Variants in SRGAP1 observed in about 807,000 individuals in gnomAD.
The protein encoded by SRGAP1 is SLIT-ROBO Rho GTPase-activating protein 1.
In SRGAP1, 43 loss-of-function variants were observed where a neutral mutation model predicts 121.9. That is an observed-to-expected ratio of 0.35 (90% confidence interval 0.28 to 0.46). The LOEUF is 0.46. SRGAP1 is among the 20% of genes least tolerant of loss of function. The pLI, the probability that SRGAP1 is intolerant of heterozygous loss-of-function variation, is 1.00. For missense variants in SRGAP1, 1,102 were observed against 1,350.9 expected, an observed-to-expected ratio of 0.82 and a Z score of 2.89; for synonymous variants, 447 against 485.4, an observed-to-expected ratio of 0.92 and a Z score of 1.04.
At chr12:63,916,787 A>G (rs1197485036) in intron 1 of SRGAP1, among the ~76,000 whole-genome samples, 6 of 152,218 alleles carry the variant, frequency 3.9e-5, no homozygotes, top group Non-Finnish European at 5.9e-5. Flanking sequence ...CATGCAGGCC[A>G]GTAGACTTAA....
chr12:64,011,899 T>G (rs1017495839), intron 3 of SRGAP1, among the ~76,000 whole-genome samples: 2 of 152,080 alleles, frequency 1.3e-5, no homozygotes, highest in African/African-American at 4.8e-5. Flanking sequence ...GCAGATCACT[T>G]GAGCCCAGCC....
intron 3 of SRGAP1, among the ~76,000 whole-genome samples, chr12:63,990,401 G>T (rs940163004): frequency 1.6e-4 from 25 of 151,976 alleles, no homozygotes; most frequent in Admixed American, 1.1e-3. Context: ...GCGTGGTGGC[G>T]CTTGCCTGTA....
chr12:63,927,415 G>A (rs575331106), intron 1 of SRGAP1, among the ~76,000 whole-genome samples: 16 of 152,242 alleles, frequency 1.1e-4, no homozygotes, highest in African/African-American at 3.9e-4. Flanking sequence ...TCCTGTGGCC[G>A]ACCATCAGGC....
intron 8 of SRGAP1, among the ~76,000 whole-genome samples, chr12:64,075,829 C>CT (rs955493047): frequency 8.6e-5 from 13 of 151,466 alleles, no homozygotes; most frequent in African/African-American, 2.9e-4. Context: ...TCTTTCCCTT[C>CT]TTTTTTTAAT....
chr12:64,024,015 A>T (rs2034602898), intron 4 of SRGAP1, among the ~76,000 whole-genome samples: 1 of 152,226 alleles, frequency 6.6e-6, no homozygotes. Flanking sequence ...CTGAGCTAAA[A>T]GAATCAGTAA....
chr12:63,990,672 A>G (rs2033534409), intron 3 of SRGAP1, among the ~76,000 whole-genome samples: 1 of 152,242 alleles, frequency 6.6e-6, no homozygotes, highest in South Asian at 2.1e-4. Context: ...AAATTTTGAT[A>G]TAAGATGTTC....
chr12:63,916,212 A>G (rs532287741), intron 1 of SRGAP1, among the ~76,000 whole-genome samples: 3 of 151,826 alleles, frequency 2.0e-5, no homozygotes, highest in East Asian at 1.9e-4. Context: ...TTTTCTAGAA[A>G]TGAGGTTTCA....
chr12:63,932,464 T>A (rs1321704972), intron 1 of SRGAP1, among the ~76,000 whole-genome samples: 1 of 152,184 alleles, frequency 6.6e-6, no homozygotes, highest in Non-Finnish European at 1.5e-5. Context: ...TCCCAACAGA[T>A]CTTATACAAA....
At chr12:63,960,125 A>G (rs2032593469) in intron 1 of SRGAP1, among the ~76,000 whole-genome samples, 2 of 152,232 alleles carry the variant, frequency 1.3e-5, no homozygotes, top group Admixed American at 1.3e-4. Flanking sequence ...CACATTGTGG[A>G]AAATGCCTGC....
intron 1 of SRGAP1, chr12:63,872,175 A>T: frequency 3.1e-6 from 1 of 323,642 alleles, no homozygotes; most frequent in Non-Finnish European, 5.7e-6. Flanking sequence ...TCATGAGAGC[A>T]CCTGTTTGAT....
intron 4 of SRGAP1, among the ~76,000 whole-genome samples, chr12:64,017,384 G>GGTGTAATT (rs2034431506): frequency 6.6e-6 from 1 of 152,140 alleles, no homozygotes; most frequent in Admixed American, 6.5e-5. Context: ...ATGCCATTGT[G>GGTGTAATT]GCCAGGCGTG....
chr12:64,026,646 C>A (rs1363812247), intron 4 of SRGAP1, among the ~76,000 whole-genome samples: 1 of 152,096 alleles, frequency 6.6e-6, no homozygotes, highest in Non-Finnish European at 1.5e-5. Context: ...GCAGGCAGAT[C>A]ATCTAAGGTC....
chr12:64,100,444 A>T (rs1204142337), intron 15 of SRGAP1, among the ~76,000 whole-genome samples: 3 of 152,202 alleles, frequency 2.0e-5, no homozygotes, highest in African/African-American at 7.2e-5. Context: ...GGGTACCTAC[A>T]GTGCTCAAGT....
Position 63,848,032 on chromosome 12 carries a change from G to A in SRGAP1, c.67+3149G>A, listed in dbSNP as rs547142944. Reference sequence around the variant, plus strand: ...TTATATATATATATATATAAAAGGAGTATCGGTCTGCTGCCCAGGCCAGAG... The same window carrying A: ...TTATATATATATATATATAAAAGGAATATCGGTCTGCTGCCCAGGCCAGAG... On this transcript the variant is annotated intron_variant, in intron 1 of 21. Transcript: ENST00000355086. 8.0e-5 allele frequency among the ~76,000 whole-genome samples: 12 copies of A among 149,764 alleles called. No individual in the cohort carries two copies. The South Asian group carries it at 8.4e-4, about 10-fold the overall frequency.
intron 15 of SRGAP1, among the ~76,000 whole-genome samples, chr12:64,106,134 C>A (rs1462824538): frequency 6.6e-6 from 1 of 152,160 alleles, no homozygotes; most frequent in Non-Finnish European, 1.5e-5. Flanking sequence ...ATTCTCTTAC[C>A]TTAGCCTCGA....
At chr12:63,951,715 C>T (rs2032303908) in intron 1 of SRGAP1, among the ~76,000 whole-genome samples, 1 of 152,094 alleles carries the variant, frequency 6.6e-6, no homozygotes, top group Non-Finnish European at 1.5e-5. Context: ...TTTTTTTAGA[C>T]TGACTTGTAG....
chr12:64,043,386 T>C, intron 5 of SRGAP1, 61 bp from the exon 6 acceptor site: 2 of 1,523,992 alleles, frequency 1.3e-6, no homozygotes, highest in Non-Finnish European at 1.8e-6. Flanking sequence ...TGTATGTTTC[T>C]CTGTCTTGAT....
chr12:63,875,083 CT>C (rs1899987547), intron 1 of SRGAP1, among the ~76,000 whole-genome samples: 1 of 152,098 alleles, frequency 6.6e-6, no homozygotes, highest in South Asian at 2.1e-4. Flanking sequence ...ACCTAGCTAA[CT>C]TTTTAGTTTT....
chr12:63,850,023 C>A (rs1246332457), intron 1 of SRGAP1, among the ~76,000 whole-genome samples: 1 of 152,082 alleles, frequency 6.6e-6, no homozygotes, highest in Non-Finnish European at 1.5e-5. Flanking sequence ...TAACTCTAAC[C>A]AAGTTGTTTT....
Sources: allele counts gnomAD v4.1 joint callset (sites outside exome capture counted in the v4.1 genomes callset), GRCh38; gene constraint gnomAD v4.1.1; transcripts MANE v1.5; gene names NCBI Gene and HGNC (gene_info 2026-07-23, HGNC 2026-07-21).